Variants in RXFP1 observed in about 807,000 individuals in gnomAD.
The protein encoded by RXFP1 is relaxin receptor 1.
A neutral mutation model predicts 89.8 loss-of-function variants in RXFP1; 73 were observed. That is an observed-to-expected ratio of 0.81 (90% CI 0.67 to 0.99). The LOEUF is 0.99. Among genes scored for constraint, RXFP1 ranks in the 50% least tolerant of loss-of-function variants. The pLI is 0.00. For missense variants in RXFP1, 793 were observed against 895.5 expected, an observed-to-expected ratio of 0.89 and a Z score of 1.46; for synonymous variants, 277 against 305.5, an observed-to-expected ratio of 0.91 and a Z score of 0.97.
intron 2 of RXFP1, among the ~76,000 whole-genome samples, chr4:158,583,918 A>G (rs1465275481): frequency 6.6e-6 from 1 of 152,200 alleles, no homozygotes; most frequent in Non-Finnish European, 1.5e-5. Flanking sequence ...AGGTATATGT[A>G]TTCTGTCCCT....
At chr4:158,599,891 G>A (rs1348900644) in intron 4 of RXFP1, among the ~76,000 whole-genome samples, 4 of 152,080 alleles carry the variant, frequency 2.6e-5, no homozygotes, top group Non-Finnish European at 4.4e-5. Flanking sequence ...CTCCCAAAAC[G>A]TCATATTTAA....
At chr4:158,535,932 A>C (rs1745181479) in intron 1 of RXFP1, among the ~76,000 whole-genome samples, 1 of 152,236 alleles carries the variant, frequency 6.6e-6, no homozygotes, top group South Asian at 2.1e-4. Flanking sequence ...CCTCTGATCC[A>C]GTTTACAAAT....
intron 5 of RXFP1, among the ~76,000 whole-genome samples, chr4:158,606,408 T>C (rs2150113547): frequency 6.6e-6 from 1 of 152,340 alleles, no homozygotes; most frequent in Middle Eastern, 3.4e-3. Flanking sequence ...ATAGCCTAAT[T>C]ATTTAAAAAT....
intron 2 of RXFP1, among the ~76,000 whole-genome samples, chr4:158,592,435 G>C (rs567795707): frequency 6.6e-6 from 1 of 152,020 alleles, no homozygotes; most frequent in Non-Finnish European, 1.5e-5. Flanking sequence ...TTTGCTAGGC[G>C]TGGTGGCGGG....
Position 158,523,874 on chromosome 4 carries a change from C to T in RXFP1, c.49+1849C>T, listed in dbSNP as rs115917487. Among the ~76,000 whole-genome samples the T allele has an allele frequency of 3.4e-3, 519 of 152,282 alleles. 3 individuals carry two copies. The highest frequency in any genetic ancestry group is 0.012 in the African/African-American group (494 of 41,560). On this transcript the variant is annotated intron_variant, in intron 1 of 17. Transcript: ENST00000307765. Reference sequence around the variant, plus strand: ...AATTCTTAAACCTCTGTAAATGCCCCATGGTTGTTGTTTCTTTGTGTGTTT... The same window carrying T: ...AATTCTTAAACCTCTGTAAATGCCCTATGGTTGTTGTTTCTTTGTGTGTTT...
At chr4:158,567,953 C>G (rs970937792) in intron 1 of RXFP1, among the ~76,000 whole-genome samples, 2 of 152,186 alleles carry the variant, frequency 1.3e-5, no homozygotes, top group East Asian at 1.9e-4. Flanking sequence ...TGCAGCTGCT[C>G]ACGCTTTGGA....
At position 158,587,287 on chromosome 4, in the gene RXFP1, C is replaced by T. The variant is rs56406992; in HGVS notation, c.188-6114C>T. The stretch of plus-strand genomic sequence containing the variant: ...ACTCAAAGCCTCAACATACTCTGGC[C>T]TACCTACTTACATGCTTTATTTGTA... On this transcript the variant is annotated intron_variant, in intron 2 of 17. Transcript: ENST00000307765. 3.8e-3 allele frequency among the ~76,000 whole-genome samples: 574 copies of T among 152,320 alleles called. 4 individuals carry two copies. The highest frequency in any genetic ancestry group is 0.013 in the African/African-American group (546 of 41,562).
chr4:158,562,655 A>C (rs1247716589), intron 1 of RXFP1, among the ~76,000 whole-genome samples: 2 of 150,806 alleles, frequency 1.3e-5, no homozygotes, highest in Non-Finnish European at 3.0e-5. Flanking sequence ...TTTTACCAGG[A>C]TATATATCTT....
chr4:158,573,939 A>T (rs1309324792), intron 2 of RXFP1, among the ~76,000 whole-genome samples: 1 of 152,212 alleles, frequency 6.6e-6, no homozygotes. Flanking sequence ...CTTCTAAAAG[A>T]GACAAAACAA....
chr4:158,591,430 C>T (rs890701078), intron 2 of RXFP1, among the ~76,000 whole-genome samples: 1 of 152,048 alleles, frequency 6.6e-6, no homozygotes, highest in Non-Finnish European at 1.5e-5. Flanking sequence ...TGTCCCTTGT[C>T]CACGAAGTTA....
chr4:158,550,468 C>G (rs1254879741), intron 1 of RXFP1, among the ~76,000 whole-genome samples: 1 of 152,230 alleles, frequency 6.6e-6, no homozygotes, highest in Non-Finnish European at 1.5e-5. Flanking sequence ...CCTGCACCCA[C>G]TGTCTGGCAC....
chr4:158,578,396 A>G (rs563642089), intron 2 of RXFP1, among the ~76,000 whole-genome samples: 41 of 152,372 alleles, frequency 2.7e-4, no homozygotes, highest in Non-Finnish European at 4.7e-4. Flanking sequence ...TTCAGCTAGA[A>G]CTATGATACC....
rs5741905 is a variant in RXFP1, at chr4:158,527,564, A to AAAAAATATATATATATAT, written c.49+5540_49+5541insAAAATATATATATATATA. On this transcript the variant is annotated intron_variant, in intron 1 of 17. Transcript: ENST00000307765. ...ATCTCCCCCGCTCCAAAAAAAAAAA[A>AAAAAATATATATATATAT]ATATATATATATATGTATATATATA... Among the ~76,000 whole-genome samples the AAAAAATATATATATATAT allele has an allele frequency of 5.0e-3, 487 of 98,266 alleles. 2 individuals are homozygous for AAAAAATATATATATATAT. The highest frequency in any genetic ancestry group is 0.013 in the African/African-American group (369 of 28,476). 64.5% of individuals were successfully genotyped at this position (98,266 alleles called of 152,430 possible).
At chr4:158,607,102 A>G in intron 5 of RXFP1, 1 of 1,536,026 alleles carries the variant, frequency 6.5e-7, no homozygotes, top group Non-Finnish European at 8.7e-7. Flanking sequence ...CAGCCTTGAA[A>G]TCCTTACTTT....
chr4:158,569,186 T>G (rs1013592124), intron 1 of RXFP1, among the ~76,000 whole-genome samples: 3 of 152,220 alleles, frequency 2.0e-5, no homozygotes, highest in African/African-American at 7.2e-5. Context: ...GATAAATATA[T>G]ATTAGTAAGT....
intron 4 of RXFP1, among the ~76,000 whole-genome samples, chr4:158,601,970 T>C (rs909291817): frequency 1.3e-5 from 2 of 152,220 alleles, no homozygotes; most frequent in Non-Finnish European, 2.9e-5. Context: ...TACTAAGAAC[T>C]TTCTTTATAA....
At chr4:158,596,870 T>G (rs1359670075) in intron 3 of RXFP1, among the ~76,000 whole-genome samples, 3 of 152,144 alleles carry the variant, frequency 2.0e-5, no homozygotes, top group African/African-American at 7.2e-5. Flanking sequence ...AAAAACCAGG[T>G]AAGTCAGCAA....
intron 2 of RXFP1, among the ~76,000 whole-genome samples, chr4:158,585,067 C>T (rs1319052812): frequency 6.6e-6 from 1 of 152,204 alleles, no homozygotes; most frequent in African/African-American, 2.4e-5. Flanking sequence ...CCAGGTGATG[C>T]TGCTGCTGGT....
intron 2 of RXFP1, among the ~76,000 whole-genome samples, chr4:158,586,601 T>C (rs1222222670): frequency 5.3e-5 from 8 of 152,196 alleles, no homozygotes; most frequent in African/African-American, 1.2e-4. Flanking sequence ...ATTTAAAATA[T>C]AGAAACACAT....
Sources: gnomAD v4.1 joint callset for allele counts (sites outside exome capture counted in the v4.1 genomes callset) on GRCh38, gnomAD v4.1.1 for gene constraint, MANE v1.5 for transcripts, NCBI Gene and HGNC (gene_info 2026-07-23, HGNC 2026-07-21) for gene names.